Variants in PDGFB observed in about 807,000 individuals in gnomAD.
PDGFB encodes platelet derived growth factor subunit B.
PDGFB carries 6 observed loss-of-function variants against 29.0 expected under a neutral mutation model. The ratio of observed to expected loss-of-function variants is 0.21; its 90% CI spans 0.11 to 0.41. PDGFB has a LOEUF of 0.41. Ranked by LOEUF, PDGFB falls within the 10% of genes least tolerant of loss-of-function variation. The pLI is 1.00. For synonymous variants in PDGFB, 144 were observed against 140.8 expected, an observed-to-expected ratio of 1.02 and a Z score of -0.16; for missense variants, 299 against 341.8, an observed-to-expected ratio of 0.87 and a Z score of 0.99.
chr22:39,242,399 C>T lies in PDGFB; in HGVS notation c.63+1502G>A. ...CTGGCACCGGGCCCAGCCCCCAGGT[C>T]CCACGGCGAGGCGAGGCGGCAGCTG... On this transcript the variant is annotated intron_variant, in intron 1 of 6. Transcript: ENST00000331163. This position sits in a 1 kb window ranked among gnomAD's most constrained non-coding sequence, Gnocchi z 5.7. 4.9e-6 allele frequency: 1 copy of T among 204,508 alleles called. No individual in the cohort carries two copies. Among genetic ancestry groups the T allele is most frequent in the East Asian group, 7.4e-5 (1 of 13,514 alleles). The allele number at this position is 204,508 out of a possible 1,614,324, so 12.7% of individuals were successfully genotyped here. A position where few individuals can be genotyped will look rare whatever the true frequency, so the allele number is the denominator to read the frequency against.
intron 1 of PDGFB, among the ~76,000 whole-genome samples, chr22:39,240,224 A>G (rs1005207068): frequency 5.1e-4 from 77 of 152,246 alleles, no homozygotes; most frequent in African/African-American, 1.8e-3. Flanking sequence ...GAGAGGAACC[A>G]GTCCAGCCAT....
Position 39,242,894 on chromosome 22 carries a change from C to T in PDGFB, c.63+1007G>A, listed in dbSNP as rs565483109. The T allele has an allele frequency of 4.7e-3, 1,099 of 233,006 alleles. 21 individuals are homozygous for T. Among genetic ancestry groups the T allele is most frequent in the African/African-American group, 0.023 (1,033 of 45,464 alleles). The allele number at this position is 233,006 out of a possible 1,614,324, so 14.4% of individuals were successfully genotyped here. A position where few individuals can be genotyped will look rare whatever the true frequency, so the allele number is the denominator to read the frequency against. The stretch of plus-strand genomic sequence containing the variant: ...GGCTGCCCTCTCCTCCCCTCCACCG[C>T]GCGCGTCGTCCTGCCCCGCCCCCTT... On this transcript the variant is annotated intron_variant, in intron 1 of 6. Transcript: ENST00000331163. This position sits in a 1 kb window ranked among gnomAD's most constrained non-coding sequence, Gnocchi z 5.7.
intron 5 of PDGFB, among the ~76,000 whole-genome samples, chr22:39,229,157 C>T (rs1251736958): frequency 6.6e-6 from 1 of 152,082 alleles, no homozygotes; most frequent in Non-Finnish European, 1.5e-5. Context: ...CTATCACTTA[C>T]GTGATTTTTT....
chr22:39,237,473 C>T (rs1019239603), intron 1 of PDGFB, among the ~76,000 whole-genome samples: 3 of 152,182 alleles, frequency 2.0e-5, no homozygotes, highest in Non-Finnish European at 2.9e-5. Flanking sequence ...CTTCAATATC[C>T]GGGCAGCCAG....
intron 1 of PDGFB, chr22:39,240,933 A>C: frequency 2.9e-6 from 4 of 1,380,076 alleles, no homozygotes; most frequent in Non-Finnish European, 4.0e-6. Context: ...ACACACACAC[A>C]CACACACACT....
chr22:39,237,387 C>A (rs552263110), intron 1 of PDGFB, among the ~76,000 whole-genome samples: 1 of 152,286 alleles, frequency 6.6e-6, no homozygotes, highest in African/African-American at 2.4e-5. Flanking sequence ...CTTACAACTC[C>A]GCCCAATGTC....
At chr22:39,230,347 C>G in intron 4 of PDGFB, 119 bp from the exon 5 acceptor site, 4 of 1,001,518 alleles carry the variant, frequency 4.0e-6, no homozygotes, top group African/African-American at 3.2e-5. Flanking sequence ...CTCGAAAGCC[C>G]GGAGAGCAGG....
In PDGFB at chr22:39,242,665, A is replaced by G. The variant is rs577757571; in HGVS notation, c.63+1236T>C. Among the ~76,000 whole-genome samples the G allele has an allele frequency of 6.6e-6, 1 of 151,178 alleles. No homozygotes were observed. The highest frequency in any genetic ancestry group is 2.1e-4 in the South Asian group (1 of 4,772). ...CGACGGCTCCTCCGTGGTCAAAACA[A>G]CCTGCGCTGGCGGCAGCCCAAGGCC... On this transcript the variant is annotated intron_variant, in intron 1 of 6. Coordinates refer to ENST00000331163, the MANE Select transcript of PDGFB (RefSeq NM_002608.4). The surrounding 1 kb of genome is among the most constrained non-coding windows in gnomAD (Gnocchi z 5.7).
At chr22:39,236,588 A>G (rs1185198754) in intron 1 of PDGFB, among the ~76,000 whole-genome samples, 1 of 152,126 alleles carries the variant, frequency 6.6e-6, no homozygotes, top group African/African-American at 2.4e-5. Context: ...TCGAAACCTG[A>G]TAACACTTCA....
At chr22:39,240,434 C>G (rs1390765439) in intron 1 of PDGFB, among the ~76,000 whole-genome samples, 2 of 152,162 alleles carry the variant, frequency 1.3e-5, no homozygotes, top group Admixed American at 6.5e-5. Context: ...GTTTCTTCTC[C>G]TCTGTCCTGT....
At position 39,242,882 on chromosome 22, in the gene PDGFB, T is replaced by C. The variant is rs540908746; in HGVS notation, c.63+1019A>G. The C allele has an allele frequency of 5.2e-5, 12 of 232,418 alleles. No individual in the cohort carries two copies. The highest frequency in any genetic ancestry group is 2.7e-4 in the African/African-American group (12 of 45,272). The allele number at this position is 232,418 out of a possible 1,614,324, so 14.4% of individuals were successfully genotyped here. On this transcript the variant is annotated intron_variant, in intron 1 of 6. Transcript: ENST00000331163. This position sits in a 1 kb window ranked among gnomAD's most constrained non-coding sequence, Gnocchi z 5.7. ...CGCCGCGCTCCCGGCTGCCCTCTCC[T>C]CCCCTCCACCGCGCGCGTCGTCCTG... is the stretch of plus-strand genomic sequence containing the variant.
intron 5 of PDGFB, among the ~76,000 whole-genome samples, chr22:39,226,439 C>T (rs1174651321): frequency 6.6e-6 from 1 of 152,050 alleles, no homozygotes; most frequent in Non-Finnish European, 1.5e-5. Context: ...CCCCGTAGAG[C>T]CAGAGGCCCT....
chr22:39,242,171 C>A lies in PDGFB; in HGVS notation c.63+1730G>T, dbSNP rs1932582468. 1 of 220,010 alleles carries A rather than the reference C, an allele frequency of 4.5e-6. No homozygotes were observed. The highest frequency in any genetic ancestry group is 9.1e-6 in the Non-Finnish European group (1 of 109,468). The allele number at this position is 220,010 out of a possible 1,614,324, so 13.6% of individuals were successfully genotyped here. A position where few individuals can be genotyped will look rare whatever the true frequency, so the allele number is the denominator to read the frequency against. On this transcript the variant is annotated intron_variant, in intron 1 of 6. Coordinates refer to ENST00000331163, the MANE Select transcript of PDGFB (RefSeq NM_002608.4). This position sits in a 1 kb window ranked among gnomAD's most constrained non-coding sequence, Gnocchi z 5.7. ...TTGTGTGCGGTGCGCGCGCGTGTGT[C>A]CCGCGTGTGCACGGGCGTGGCAGAG... is the stretch of plus-strand genomic sequence containing the variant.
rs989495786 is a variant in PDGFB, at chr22:39,243,985, G to A, written c.-22C>T. On this transcript the variant is annotated 5_prime_UTR_variant, in exon 1 of 7. Coordinates refer to ENST00000331163, the MANE Select transcript of PDGFB (RefSeq NM_002608.4). The surrounding 1 kb of genome is among the most constrained non-coding windows in gnomAD (Gnocchi z 6.4). ...TCATGCCGACTCCGGGCCCGGCCCCGCGGGGCCCCGGACGCGTAGATCGAG... is the reference window on the plus strand; with the variant it reads ...TCATGCCGACTCCGGGCCCGGCCCCACGGGGCCCCGGACGCGTAGATCGAG... The A allele has an allele frequency of 8.3e-6, 13 of 1,573,578 alleles. No individual in the cohort carries two copies. The highest frequency in any genetic ancestry group is 1.7e-4 in the Middle Eastern group (1 of 5,846).
At chr22:39,239,280 C>T (rs1390000004) in intron 1 of PDGFB, among the ~76,000 whole-genome samples, 1 of 152,162 alleles carries the variant, frequency 6.6e-6, no homozygotes, top group African/African-American at 2.4e-5. Context: ...GGAGAGCTGC[C>T]TGCCCATGAA....
Position 39,233,432 on chromosome 22 carries a change from T to C in PDGFB, c.250+3A>G, listed in dbSNP as rs945549909. The C allele has an allele frequency of 6.3e-7, 1 of 1,594,496 alleles. No individual in the cohort carries two copies. Among genetic ancestry groups the C allele is most frequent in the African/African-American group, 1.4e-5 (1 of 73,634 alleles). On this transcript the variant is annotated splice_donor_region_variant and intron_variant, in intron 3 of 6. Transcript: ENST00000331163. ...GGACCCTTGTTGGGTGTCTCAGTCT[T>C]ACCCAGGCTCCTTCTTCCACGAGCC...
At chr22:39,226,733 G>A (rs556601418) in intron 5 of PDGFB, among the ~76,000 whole-genome samples, 31 of 152,316 alleles carry the variant, frequency 2.0e-4, no homozygotes, top group African/African-American at 7.2e-4. Context: ...GTGGTGTGGA[G>A]GCCACTGGGC....
intron 5 of PDGFB, among the ~76,000 whole-genome samples, chr22:39,229,336 G>A (rs991244925): frequency 6.6e-6 from 1 of 152,078 alleles, no homozygotes; most frequent in African/African-American, 2.4e-5. Flanking sequence ...ACAGGCGTGT[G>A]CCGCTATGCC....
Position 39,226,091 on chromosome 22 carries a change from C to T in PDGFB, c.602-244G>A, listed in dbSNP as rs73163486. Among the ~76,000 whole-genome samples the T allele has an allele frequency of 0.017, 2,526 of 152,276 alleles. 36 individuals are homozygous for T. Among genetic ancestry groups the T allele is most frequent in the Middle Eastern group, 0.027 (8 of 294 alleles). On this transcript the variant is annotated intron_variant, in intron 5 of 6. Transcript: ENST00000331163. ...GGAATGGGGGTAATAAGACTGCCCA[C>T]CTCATAGAACTGGTGGGAGGAATAA...
Sources: gnomAD v4.1 joint callset for allele counts (sites outside exome capture counted in the v4.1 genomes callset) on GRCh38, gnomAD v4.1.1 for gene constraint, Gnocchi (gnomAD v3.1) non-coding constraint, MANE v1.5 for transcripts, NCBI Gene and HGNC (gene_info 2026-07-23, HGNC 2026-07-21) for gene names.